Variants in PRKCB observed in about 807,000 individuals in gnomAD.
The protein encoded by PRKCB is protein kinase C beta type.
PRKCB carries 13 observed loss-of-function variants against 81.5 expected under a neutral mutation model. That is an observed-to-expected ratio of 0.16 (90% CI 0.10 to 0.25). The LOEUF is 0.25. Among genes scored for constraint, PRKCB ranks in the 10% least tolerant of loss-of-function variants. The pLI is 1.00. For synonymous variants in PRKCB, 335 were observed against 321.4 expected, an observed-to-expected ratio of 1.04 and a Z score of -0.45; for missense variants, 509 against 875.7, an observed-to-expected ratio of 0.58 and a Z score of 5.29.
chr16:24,109,141 G>A (rs1234414879), intron 7 of PRKCB, among the ~76,000 whole-genome samples: 16 of 142,504 alleles, frequency 1.1e-4, no homozygotes, highest in Admixed American at 2.0e-4. Flanking sequence ...GGACGGGGCG[G>A]CTGGCCGGGC....
intron 2 of PRKCB, among the ~76,000 whole-genome samples, chr16:23,869,977 G>A (rs780827566): frequency 8.6e-5 from 13 of 151,468 alleles, no homozygotes; most frequent in East Asian, 7.8e-4. Flanking sequence ...AGCCGAGATC[G>A]CGCCATTGCA....
At chr16:24,133,122 A>G (rs991413615) in intron 9 of PRKCB, among the ~76,000 whole-genome samples, 11 of 152,092 alleles carry the variant, frequency 7.2e-5, no homozygotes, top group African/African-American at 2.7e-4. Context: ...TCACACCTTT[A>G]ATCTCAGTGC....
intron 9 of PRKCB, among the ~76,000 whole-genome samples, chr16:24,124,594 AGT>A (rs1966839432): frequency 6.6e-6 from 1 of 152,180 alleles, no homozygotes; most frequent in Non-Finnish European, 1.5e-5. Flanking sequence ...GGACTCATAC[AGT>A]GTTTCTGGAC....
At chr16:23,836,575 C>CCTCTCCTGCT (rs1463163148) in intron 1 of PRKCB, among the ~76,000 whole-genome samples, 22 of 152,114 alleles carry the variant, frequency 1.4e-4, no homozygotes, top group Non-Finnish European at 1.2e-4. Flanking sequence ...CGCCTCCTGC[C>CCTCTCCTGCT]CTCTCCTGCT....
chr16:23,917,330 G>T (rs1963756018), intron 2 of PRKCB, among the ~76,000 whole-genome samples: 1 of 152,168 alleles, frequency 6.6e-6, no homozygotes, highest in South Asian at 2.1e-4. Flanking sequence ...TGATCCACCT[G>T]CCTCCCAAAG....
chr16:23,923,476 C>G (rs996556298), intron 2 of PRKCB, among the ~76,000 whole-genome samples: 1 of 152,068 alleles, frequency 6.6e-6, no homozygotes, highest in Admixed American at 6.5e-5. Flanking sequence ...GATTGACCAC[C>G]CTTATCTACT....
intron 11 of PRKCB, among the ~76,000 whole-genome samples, chr16:24,174,022 G>A (rs574014955): frequency 6.3e-4 from 95 of 151,796 alleles, no homozygotes; most frequent in Non-Finnish European, 9.1e-4. Flanking sequence ...TTTTTGGGGG[G>A]GTGGGGGACA....
At chr16:24,190,979 A>C in intron 15 of PRKCB, 111 bp from the exon 16 acceptor site, 23 of 1,180,422 alleles carry the variant, frequency 1.9e-5, no homozygotes, top group Middle Eastern at 2.0e-4. Flanking sequence ...AAATGAGTTG[A>C]GATTCTTCAT....
At chr16:23,890,444 T>C (rs1348364475) in intron 2 of PRKCB, among the ~76,000 whole-genome samples, 1 of 152,172 alleles carries the variant, frequency 6.6e-6, no homozygotes, top group Non-Finnish European at 1.5e-5. Context: ...GCATCTTTTC[T>C]GTTACTTCTA....
intron 2 of PRKCB, among the ~76,000 whole-genome samples, chr16:23,907,986 G>A (rs538817378): frequency 6.6e-6 from 1 of 152,326 alleles, no homozygotes; most frequent in South Asian, 2.1e-4. Flanking sequence ...GAGTCCATGG[G>A]TGTATTGTTG....
At chr16:23,964,851 G>A (rs1964467504) in intron 2 of PRKCB, among the ~76,000 whole-genome samples, 1 of 152,052 alleles carries the variant, frequency 6.6e-6, no homozygotes, top group African/African-American at 2.4e-5. Flanking sequence ...TGTATTTTTA[G>A]TAGAGATAGG....
intron 2 of PRKCB, among the ~76,000 whole-genome samples, chr16:23,930,690 T>C (rs1358895159): frequency 6.6e-6 from 1 of 152,168 alleles, no homozygotes; most frequent in Admixed American, 6.5e-5. Context: ...CTAACGTTAT[T>C]GTTGTTATGT....
intron 16 of PRKCB, among the ~76,000 whole-genome samples, chr16:24,212,515 T>C (rs1414323275): frequency 7.5e-6 from 1 of 132,646 alleles, no homozygotes; most frequent in African/African-American, 2.8e-5. Context: ...TCTCAATCAC[T>C]GCCCAGGCTG....
chr16:24,005,261 G>A (rs1965102439), intron 3 of PRKCB, among the ~76,000 whole-genome samples: 1 of 151,380 alleles, frequency 6.6e-6, no homozygotes, highest in African/African-American at 2.4e-5. Context: ...CATTAGGTCA[G>A]GTATGATAGA....
intron 15 of PRKCB, among the ~76,000 whole-genome samples, chr16:24,187,654 TTTTTGTTTTGTTTTGTTTTG>T (rs374822483): frequency 6.8e-6 from 1 of 147,224 alleles, no homozygotes; most frequent in Non-Finnish European, 1.5e-5. Context: ...GCACAAGGTG[TTTTTGTTTTGTTTTGTTTTG>T]TTTTGTTTTG....
chr16:24,181,470 G>T lies in PRKCB; in HGVS notation c.1533+542G>T, dbSNP rs1967620274. Among the ~76,000 whole-genome samples, 5 of 152,200 alleles carry T rather than the reference G, an allele frequency of 3.3e-5. No individual in the cohort carries two copies. In the South Asian group the frequency reaches 1.0e-3, roughly 32 times the overall value. On this transcript the variant is annotated intron_variant, in intron 13 of 16. Coordinates refer to ENST00000643927, the MANE Select transcript of PRKCB (RefSeq NM_002738.7). ...TGTTAGAGAAAAAAATCAAGGTACA[G>T]AATGACAAATACAAGGCCAGGTGTG...
chr16:24,041,762 G>A (rs1227050567), intron 5 of PRKCB, among the ~76,000 whole-genome samples: 1 of 152,004 alleles, frequency 6.6e-6, no homozygotes. Context: ...GGAGGCTGAG[G>A]CGGCTGTATC....
intron 16 of PRKCB, among the ~76,000 whole-genome samples, chr16:24,200,471 TC>T (rs1158906758): frequency 6.6e-6 from 1 of 152,198 alleles, no homozygotes; most frequent in Admixed American, 6.5e-5. Flanking sequence ...CAGGTGAAGT[TC>T]CTAAATCAGT....
chr16:23,887,636 T>C (rs145279299), intron 2 of PRKCB, among the ~76,000 whole-genome samples: 2 of 152,346 alleles, frequency 1.3e-5, no homozygotes, highest in African/African-American at 4.8e-5. Context: ...TTTGCTGTTA[T>C]GGACAGTGAT....
Sources: gnomAD v4.1 joint callset for allele counts (sites outside exome capture counted in the v4.1 genomes callset) on GRCh38, gnomAD v4.1.1 for gene constraint, MANE v1.5 for transcripts, NCBI Gene and HGNC (gene_info 2026-07-23, HGNC 2026-07-21) for gene names.